HECW2: variants seen among roughly 807,000 people sequenced by gnomAD.
HECW2 encodes the protein HECT, C2 and WW domain containing E3 ubiquitin protein ligase 2.
A neutral mutation model predicts 175.2 loss-of-function variants in HECW2; 61 were observed. The ratio of observed to expected loss-of-function variants is 0.35; its 90% confidence interval spans 0.28 to 0.43. The LOEUF (loss-of-function observed/expected upper bound fraction) is 0.43. Ranked by LOEUF, HECW2 falls within the 20% of genes least tolerant of loss-of-function variation. The pLI is 1.00. For synonymous variants in HECW2, 671 were observed against 731.0 expected, an observed-to-expected ratio of 0.92 and a Z score of 1.32; for missense variants, 1,524 against 2,000.5, an observed-to-expected ratio of 0.76 and a Z score of 4.54.
intron 1 of HECW2, among the ~76,000 whole-genome samples, chr2:196,527,343 C>G (rs574272242): frequency 6.6e-6 from 1 of 152,262 alleles, no homozygotes; most frequent in Admixed American, 6.5e-5. Context: ...GGCTCACGCA[C>G]GGTGCACGCA....
intron 13 of HECW2, among the ~76,000 whole-genome samples, chr2:196,303,779 G>T (rs1691158437): frequency 6.6e-6 from 1 of 152,100 alleles, no homozygotes; most frequent in African/African-American, 2.4e-5. Flanking sequence ...TTCTGATTGT[G>T]TTTATTTGAG....
chr2:196,216,819 G>A (rs961517061), intron 27 of HECW2, among the ~76,000 whole-genome samples, 189 bp downstream of exon 27: 3 of 152,064 alleles, frequency 2.0e-5, no homozygotes, highest in Non-Finnish European at 4.4e-5. Context: ...GCTTTAAGTT[G>A]GCTTAGGGAA....
chr2:196,307,016 G>T, intron 12 of HECW2, 114 bp downstream of exon 12: 1 of 664,868 alleles, frequency 1.5e-6, no homozygotes, highest in Non-Finnish European at 2.6e-6. Context: ...TGGATTACCA[G>T]ATCTTATTGA....
chr2:196,526,898 A>G (rs1265539330), intron 1 of HECW2, among the ~76,000 whole-genome samples: 1 of 151,956 alleles, frequency 6.6e-6, no homozygotes, highest in Non-Finnish European at 1.5e-5. Flanking sequence ...AGACAGGGAC[A>G]CTTAAGTCTG....
chr2:196,469,813 A>G (rs979449720), intron 1 of HECW2, among the ~76,000 whole-genome samples: 9 of 152,042 alleles, frequency 5.9e-5, no homozygotes, highest in African/African-American at 2.2e-4. Context: ...AGAAAAAAAA[A>G]TAAGGCTGTT....
intron 1 of HECW2, among the ~76,000 whole-genome samples, chr2:196,490,078 C>T (rs994942556): frequency 6.6e-6 from 1 of 152,202 alleles, no homozygotes; most frequent in Non-Finnish European, 1.5e-5. Flanking sequence ...CCACACTCAG[C>T]CACTGTGGGA....
intron 5 of HECW2, among the ~76,000 whole-genome samples, chr2:196,327,802 C>T (rs1034231790): frequency 2.0e-5 from 3 of 152,200 alleles, no homozygotes; most frequent in Admixed American, 1.3e-4. Flanking sequence ...AATAGAGGTG[C>T]GATGTTGGAA....
At chr2:196,205,994 G>A (rs1197354394) in intron 28 of HECW2, among the ~76,000 whole-genome samples, 3 of 151,984 alleles carry the variant, frequency 2.0e-5, no homozygotes, top group Non-Finnish European at 2.9e-5. Context: ...GCCAAGGCCA[G>A]GAAAAAAACA....
rs780497954 is a variant in HECW2 at position 196,433,439 on chromosome 2, G to A, written c.-16C>T. The A allele has an allele frequency of 4.4e-6, 7 of 1,606,526 alleles. No individual in the cohort carries two copies. Among genetic ancestry groups the A allele is most frequent in the Non-Finnish European group, 3.4e-6 (4 of 1,175,920 alleles). ...AACTAGCCATCCCGTCTGCTTCTCT[G>A]GGATTGGCTGCCTACAAAGCTGCAA... On this transcript the variant is annotated 5_prime_UTR_variant, in exon 2 of 29. Coordinates refer to ENST00000644978, the MANE Select transcript of HECW2 (RefSeq NM_001348768.2).
rs914513959 is a variant in HECW2 at position 196,319,114 on chromosome 2, T to A, written c.1776A>T (p.Arg592=). The A allele has an allele frequency of 1.3e-6, 2 of 1,594,730 alleles. No individual in the cohort carries two copies. Among genetic ancestry groups the A allele is most frequent in the Non-Finnish European group, 1.7e-6 (2 of 1,170,556 alleles). The part of the protein sequence containing the change: ...TGTSDASGGS[R]RAVSETESLD... ...GAGACTCGGTCTCACTGACGGCTCTTCGGCTTCCTCCTGATGCATCGGAAG... is the reference window on the plus strand; with the variant it reads ...GAGACTCGGTCTCACTGACGGCTCTACGGCTTCCTCCTGATGCATCGGAAG... Residue 592 remains arginine, a synonymous_variant, in exon 9 of 29, where the codon CGA becomes CGT. Coordinates refer to ENST00000644978, the MANE Select transcript of HECW2 (RefSeq NM_001348768.2).
chr2:196,298,677 G>A (rs1157158682), intron 13 of HECW2, among the ~76,000 whole-genome samples: 2 of 151,984 alleles, frequency 1.3e-5, no homozygotes, highest in East Asian at 3.9e-4. Flanking sequence ...GCCCCGGTGT[G>A]TGATGTTCCC....
At chr2:196,508,862 T>C (rs1182572064) in intron 1 of HECW2, among the ~76,000 whole-genome samples, 2 of 152,140 alleles carry the variant, frequency 1.3e-5, no homozygotes, top group Non-Finnish European at 2.9e-5. Context: ...TATTACTCTG[T>C]AAAAATGCAT....
chr2:196,567,797 T>C (rs565587666), intron 1 of HECW2, among the ~76,000 whole-genome samples: 1 of 152,352 alleles, frequency 6.6e-6, no homozygotes, highest in Non-Finnish European at 1.5e-5. Context: ...TTAATAAATC[T>C]GTTTCTAGAT....
chr2:196,438,102 T>C (rs546961547), intron 1 of HECW2, among the ~76,000 whole-genome samples: 1 of 152,128 alleles, frequency 6.6e-6, no homozygotes, highest in East Asian at 1.9e-4. Context: ...ACAGGAAATA[T>C]TTGCTGAATG....
At chr2:196,306,830 T>C (rs948226006) in intron 12 of HECW2, among the ~76,000 whole-genome samples, 2 of 152,254 alleles carry the variant, frequency 1.3e-5, no homozygotes, top group Non-Finnish European at 2.9e-5. Flanking sequence ...TTCTAGTTAC[T>C]ATGAACATTT....
chr2:196,420,623 A>G (rs940180718), intron 2 of HECW2, among the ~76,000 whole-genome samples: 2 of 152,220 alleles, frequency 1.3e-5, no homozygotes, highest in Non-Finnish European at 1.5e-5. Flanking sequence ...TTGAAGTTAA[A>G]TTGTAAACTT....
intron 5 of HECW2, 136 bp downstream of exon 5, chr2:196,329,439 T>A: frequency 1.7e-6 from 1 of 579,568 alleles, no homozygotes; most frequent in Non-Finnish European, 3.1e-6. Flanking sequence ...ATACTTGAAT[T>A]TTCAGAAGTA....
intron 1 of HECW2, among the ~76,000 whole-genome samples, chr2:196,485,657 T>C (rs1039023193): frequency 2.6e-5 from 4 of 152,122 alleles, no homozygotes; most frequent in African/African-American, 9.7e-5. Context: ...CAGACCATAG[T>C]AAACATCAAC....
intron 1 of HECW2, among the ~76,000 whole-genome samples, chr2:196,461,071 A>C (rs1414891029): frequency 6.6e-6 from 1 of 152,084 alleles, no homozygotes; most frequent in Admixed American, 6.5e-5. Context: ...TCTTGAGTAA[A>C]CAGTTGTAAT....
Sources: gnomAD v4.1 joint callset for allele counts (sites outside exome capture counted in the v4.1 genomes callset) on GRCh38, gnomAD v4.1.1 for gene constraint, MANE v1.5 for transcripts, NCBI Gene and HGNC (gene_info 2026-07-23, HGNC 2026-07-21) for gene names.